The following NSMCE4A variants were observed in gnomAD, a reference collection of about 807,000 sequenced individuals.
NSMCE4A encodes NSE4A component of SMC5/6 complex.
NSMCE4A carries 40 observed loss-of-function variants against 47.9 expected under a neutral mutation model. The ratio of observed to expected loss-of-function variants is 0.83; its 90% CI spans 0.65 to 1.09. The LOEUF (loss-of-function observed/expected upper bound fraction) is 1.09, where lower values mean the gene tolerates loss of function less well. NSMCE4A is among the 50% of genes least tolerant of loss of function. The pLI is 0.00. For synonymous variants in NSMCE4A, 166 were observed against 178.5 expected, an observed-to-expected ratio of 0.93 and a Z score of 0.56; for missense variants, 500 against 507.0, an observed-to-expected ratio of 0.99 and a Z score of 0.13.
chr10:121,971,966 A>C (rs1046672532), intron 2 of NSMCE4A, among the ~76,000 whole-genome samples: 8 of 152,226 alleles, frequency 5.3e-5, no homozygotes, highest in African/African-American at 1.7e-4. Context: ...CGGATACTCA[A>C]AAAAGGCTTG....
At chr10:121,974,284 G>A in intron 1 of NSMCE4A, 2 of 1,394,270 alleles carry the variant, frequency 1.4e-6, no homozygotes, top group Non-Finnish European at 1.9e-6. Context: ...AATTTTAAAA[G>A]GAAACCCTAG....
Position 121,965,294 on chromosome 10 carries a change from G to T in NSMCE4A, c.745C>A (p.Pro249Thr). 1 of 1,608,768 alleles carries T rather than the reference G, an allele frequency of 6.2e-7. No individual in the cohort carries two copies. Among genetic ancestry groups the T allele is most frequent in the Non-Finnish European group, 8.5e-7 (1 of 1,176,158 alleles). The change falls in exon 5 of 11, where the codon CCT becomes ACT. Residue 249 changes from proline (P) to threonine (T), a missense_variant. Physicochemically the swap from Pro to Thr is conservative, Grantham distance 38 (BLOSUM62 -1). Transcript: ENST00000369023. ...VPVIQEERAM[P>T]AQLRRMEESH... ...AACATTTTAAAACAAACCTGGGCAG[G>T]CATTGCCCTCTCCTCTTGTATCACA...
intron 5 of NSMCE4A, among the ~76,000 whole-genome samples, 179 bp downstream of exon 5, chr10:121,965,107 C>T (rs1308238152): frequency 6.6e-6 from 1 of 152,076 alleles, no homozygotes; most frequent in Non-Finnish European, 1.5e-5. Context: ...TGAGTTAAAA[C>T]AAAGACAAGC....
At chr10:121,967,905 C>G (rs139394311) in intron 3 of NSMCE4A, 99 bp from the exon 4 acceptor site, 44 of 1,231,444 alleles carry the variant, frequency 3.6e-5, no homozygotes, top group Non-Finnish European at 4.9e-5. Context: ...AGGCCAGACG[C>G]AAAGCCAGCT....
intron 10 of NSMCE4A, among the ~76,000 whole-genome samples, chr10:121,957,599 A>G (rs1952421647): frequency 6.6e-6 from 1 of 151,698 alleles, no homozygotes; most frequent in Non-Finnish European, 1.5e-5. Flanking sequence ...ACGCCCAGCT[A>G]ATTTTTTTGT....
chr10:121,962,815 T>C (rs1952526884), intron 6 of NSMCE4A, among the ~76,000 whole-genome samples: 1 of 152,012 alleles, frequency 6.6e-6, no homozygotes, highest in Non-Finnish European at 1.5e-5. Context: ...TTTCTCCATG[T>C]TGGTCAGGCG....
chr10:121,970,476 GAAAAAAAAAA>G (rs57421744), intron 3 of NSMCE4A, among the ~76,000 whole-genome samples: 1 of 101,904 alleles, frequency 9.8e-6, no homozygotes, highest in Admixed American at 1.1e-4. Context: ...TGTCTCAAAG[GAAAAAAAAAA>G]AAAAAAAAAA....
Position 121,959,503 on chromosome 10 carries a change from C to G in NSMCE4A, c.1081G>C (p.Glu361Gln), listed in dbSNP as rs201908580. 3.8e-5 allele frequency: 62 copies of G among 1,613,778 alleles called. No homozygotes were observed. In the Admixed American group the frequency reaches 6.7e-4, roughly 17 times the overall value. The change falls in exon 9 of 11, where the codon GAG becomes CAG. Residue 361 changes from glutamate (E) to glutamine (Q), a missense_variant and splice_region_variant. Coordinates refer to ENST00000369023, the MANE Select transcript of NSMCE4A (RefSeq NM_017615.3). Reference protein sequence around the residue: ...GIIALSYRDWEEIVKTFEISE... With the variant: ...GIIALSYRDWQEIVKTFEISE... ...AGGGGCAACAGGCAGAGCTTTACCT[C>G]CCAGTCACGGTAACTCAAAGCTATA...
chr10:121,967,371 T>C, intron 4 of NSMCE4A: 1 of 300,288 alleles, frequency 3.3e-6, no homozygotes, highest in Non-Finnish European at 6.1e-6. Flanking sequence ...TAATTTTTTG[T>C]ATTTTTGGTA....
Position 121,975,124 on chromosome 10 carries a change from GC to G in NSMCE4A, c.41del (p.Gly14AlafsTer54). The G allele has an allele frequency of 7.0e-7, 1 of 1,421,356 alleles. No homozygotes were observed. The highest frequency in any genetic ancestry group is 3.5e-5 in the Admixed American group (1 of 28,874). The allele number at this position is 1,421,356 out of a possible 1,614,324, so 88.0% of individuals were successfully genotyped here. A position where few individuals can be genotyped will look rare whatever the true frequency, so the allele number is the denominator to read the frequency against. On this transcript the variant is annotated frameshift_variant, in exon 1 of 11. Coordinates refer to ENST00000369023, the MANE Select transcript of NSMCE4A (RefSeq NM_017615.3). LOFTEE classifies it high-confidence loss of function. ...DSSGRGPEGR[G>X]RGRDPHRDRT... ...GATCCCGATGCGGGTCGCGGCCCCG[GC>G]CCCGGCCCTCTGGCCCGCGGCCGCT...
At chr10:121,970,887 T>C in intron 3 of NSMCE4A, 52 bp downstream of exon 3, 2 of 1,459,674 alleles carry the variant, frequency 1.4e-6, no homozygotes, top group South Asian at 1.3e-5. Flanking sequence ...AGTAAATAAT[T>C]ATAATATATA....
chr10:121,971,208 C>G, intron 2 of NSMCE4A, 139 bp from the exon 3 acceptor site: 1 of 795,128 alleles, frequency 1.3e-6, no homozygotes, highest in Non-Finnish European at 1.9e-6. Flanking sequence ...ACTGACACAT[C>G]TCCTTCTAAA....
At chr10:121,966,870 T>C (rs1208527936) in intron 4 of NSMCE4A, 1 of 152,246 alleles carries the variant, frequency 6.6e-6, no homozygotes, top group East Asian at 1.9e-4. Flanking sequence ...CATTCAAATA[T>C]AAAGAAATCT....
intron 5 of NSMCE4A, among the ~76,000 whole-genome samples, chr10:121,964,786 C>T (rs1033615827): frequency 2.6e-5 from 4 of 152,182 alleles, no homozygotes; most frequent in Non-Finnish European, 5.9e-5. Flanking sequence ...GTAACATTAC[C>T]AGATTAACCA....
intron 2 of NSMCE4A, among the ~76,000 whole-genome samples, chr10:121,971,301 G>T (rs1264214780): frequency 6.6e-6 from 1 of 152,060 alleles, no homozygotes; most frequent in African/African-American, 2.4e-5. Context: ...ACGAGGTCAG[G>T]AGATCGAGAC....
chr10:121,975,008 G>C lies in NSMCE4A; in HGVS notation c.158C>G (p.Pro53Arg), dbSNP rs558581702. 1.3e-6 allele frequency: 2 copies of C among 1,504,882 alleles called. No homozygotes were observed. Among genetic ancestry groups the C allele is most frequent in the African/African-American group, 1.5e-5 (1 of 68,876 alleles). The allele number at this position is 1,504,882 out of a possible 1,614,324, so 93.2% of individuals were successfully genotyped here. The part of the protein sequence containing the change: ...ARERREAPER[P>R]SLEDTEPSDS... ...CGACGGCTCTGTGTCCTCCAGGCTC[G>C]GGCGCTCTGGGGCCTCTCTGCGCTC... Residue 53 changes from proline to arginine, a missense_variant, in exon 1 of 11, where the codon CCG becomes CGG. Coordinates refer to ENST00000369023, the MANE Select transcript of NSMCE4A (RefSeq NM_017615.3).
chr10:121,967,769 T>G lies in NSMCE4A; in HGVS notation c.539A>C (p.Glu180Ala), dbSNP rs374975941. ...AGGACTATCTTCATCACGGATGAGT[T>G]CTTCAGCTTCTAGCGGATTTACACC... ...HMGVNPLEAE[E>A]LIRDEDSPDF... Residue 180 changes from glutamate (E) to alanine (A), a missense_variant, in exon 4 of 11, where the codon GAA becomes GCA. Physicochemically the swap from Glu to Ala is moderately radical, Grantham distance 107 (BLOSUM62 -1). Coordinates refer to ENST00000369023, the MANE Select transcript of NSMCE4A (RefSeq NM_017615.3). 1.9e-5 allele frequency: 30 copies of G among 1,613,794 alleles called. No homozygotes were observed. In the African/African-American group the frequency reaches 3.7e-4, roughly 20 times the overall value.
chr10:121,959,450 G>A (rs933979700), intron 9 of NSMCE4A, 40 bp from the exon 10 acceptor site: 2 of 1,611,298 alleles, frequency 1.2e-6, no homozygotes, highest in African/African-American at 2.7e-5. Context: ...TGGGCTTACT[G>A]CAAGTGAAGG....
At chr10:121,961,315 T>C in intron 7 of NSMCE4A, 108 bp downstream of exon 7, 1 of 643,798 alleles carries the variant, frequency 1.6e-6, no homozygotes, top group Non-Finnish European at 2.6e-6. Flanking sequence ...CTGAAACATA[T>C]ACTGGCTAGT....
Sources: gnomAD v4.1 joint callset for allele counts (sites outside exome capture counted in the v4.1 genomes callset) on GRCh38, gnomAD v4.1.1 for gene constraint, MANE v1.5 for transcripts, NCBI Gene and HGNC (gene_info 2026-07-23, HGNC 2026-07-21) for gene names.